MDFI: variants seen among roughly 807,000 people sequenced by gnomAD.
The protein encoded by MDFI is inhibitor of MyoD family a.
MDFI carries 16 observed loss-of-function variants against 22.3 expected under a neutral mutation model. That is an observed-to-expected ratio of 0.72 (90% CI 0.49 to 1.09). The LOEUF is 1.09. MDFI is among the 50% of genes least tolerant of loss of function. The pLI is 0.00. For synonymous variants in MDFI, 145 were observed against 142.7 expected (o/e 1.02, Z -0.12); for missense variants, 314 against 326.1 (o/e 0.96, Z 0.29).
chr6:41,650,667 G>A (rs897844030), intron 4 of MDFI, among the ~76,000 whole-genome samples: 1 of 144,790 alleles, frequency 6.9e-6, no homozygotes, highest in Non-Finnish European at 1.5e-5. Context: ...TCCTTCTCCC[G>A]GGTTCAAGCG....
In MDFI at chr6:41,638,717, C is replaced by G; in HGVS notation, c.-11-22C>G. ...CCCCTTGCCCGCCTCCGGCGCCGCC[C>G]GCTGAGCCCTGTTTTCCGCAGGTCC... On this transcript the variant is annotated intron_variant, in intron 1 of 4. Coordinates refer to ENST00000230321, the MANE Select transcript of MDFI (RefSeq NM_005586.4). This position sits in a 1 kb window ranked among gnomAD's most constrained non-coding sequence, Gnocchi z 7.6. 1.3e-6 allele frequency: 2 copies of G among 1,545,656 alleles called. No homozygotes were observed. The highest frequency in any genetic ancestry group is 1.7e-6 in the Non-Finnish European group (2 of 1,149,814).
chr6:41,643,559 A>G, intron 2 of MDFI, among the ~76,000 whole-genome samples: 1 of 96,500 alleles, frequency 1.0e-5, no homozygotes, highest in Non-Finnish European at 2.3e-5. Flanking sequence ...GGAAGGAAGG[A>G]AGGAAGGAAG....
chr6:41,653,415 C>G lies in MDFI; in HGVS notation c.581C>G (p.Ser194Trp). The G allele has an allele frequency of 6.2e-7, 1 of 1,609,332 alleles. No homozygotes were observed. The highest frequency in any genetic ancestry group is 8.5e-7 in the Non-Finnish European group (1 of 1,179,986). The change falls in exon 5 of 5, where the codon TCG becomes TGG. Residue 194 changes from serine to tryptophan, a missense_variant. Coordinates refer to ENST00000230321, the MANE Select transcript of MDFI (RefSeq NM_005586.4). This position sits in a 1 kb window ranked among gnomAD's most constrained non-coding sequence, Gnocchi z 4.2. ...LDCATCGSCS[S>W]EDSCLCCCCC... is the part of the protein sequence containing the mutation. ...TGCGCCACCTGTGGCTCCTGCAGCT[C>G]GGAGGACTCGTGCCTCTGCTGCTGC...
In MDFI at chr6:41,638,693, C is replaced by T; in HGVS notation, c.-12+41C>T. 1.3e-6 allele frequency: 2 copies of T among 1,523,722 alleles called. No individual in the cohort carries two copies. Among genetic ancestry groups the T allele is most frequent in the Non-Finnish European group, 1.8e-6 (2 of 1,134,216 alleles). The allele number at this position is 1,523,722 out of a possible 1,614,324, so 94.4% of individuals were successfully genotyped here. The stretch of plus-strand genomic sequence containing the variant: ...AGGCGCGCATCTGCGGGGGAATCGC[C>T]CCTTGCCCGCCTCCGGCGCCGCCCG... On this transcript the variant is annotated intron_variant, in intron 1 of 4. Transcript: ENST00000230321. This position sits in a 1 kb window ranked among gnomAD's most constrained non-coding sequence, Gnocchi z 7.6.
rs1768359080 is a variant in MDFI at position 41,653,430 on chromosome 6, T to C, written c.596T>C (p.Leu199Pro). The C allele has an allele frequency of 1.2e-6, 2 of 1,607,564 alleles. No homozygotes were observed. Among genetic ancestry groups the C allele is most frequent in the Non-Finnish European group, 1.7e-6 (2 of 1,179,842 alleles). Residue 199 changes from leucine to proline, a missense_variant, in exon 5 of 5, where the codon CTC becomes CCC. Transcript: ENST00000230321. This position sits in a 1 kb window ranked among gnomAD's most constrained non-coding sequence, Gnocchi z 4.2. ...TCCTGCAGCTCGGAGGACTCGTGCCTCTGCTGCTGCTGCTGTGGCTCTGGC... is the reference window on the plus strand; with the variant it reads ...TCCTGCAGCTCGGAGGACTCGTGCCCCTGCTGCTGCTGCTGTGGCTCTGGC... ...CGSCSSEDSC[L>P]CCCCCGSGEC...
intron 2 of MDFI, chr6:41,640,018 TG>T (rs942100885): frequency 1.2e-6 from 1 of 807,022 alleles, no homozygotes; most frequent in Non-Finnish European, 1.5e-6. Flanking sequence ...ATGAGGCCAG[TG>T]TGTCTACAGC....
At chr6:41,646,615 C>T (rs1019834271) in intron 3 of MDFI, among the ~76,000 whole-genome samples, 6 of 152,158 alleles carry the variant, frequency 3.9e-5, no homozygotes, top group African/African-American at 1.4e-4. Flanking sequence ...GGGCTGGGGT[C>T]CGGCAGGGAG....
rs1212388998 is a variant in MDFI at position 41,649,632 on chromosome 6, G to T, written c.273G>T (p.Gly91=). The T allele has an allele frequency of 1.2e-6, 2 of 1,600,614 alleles. No homozygotes were observed. The highest frequency in any genetic ancestry group is 2.7e-5 in the African/African-American group (2 of 74,576). The change falls in exon 4 of 5, where the codon GGG becomes GGT. Residue 91 remains glycine (G), a synonymous_variant. Coordinates refer to ENST00000230321, the MANE Select transcript of MDFI (RefSeq NM_005586.4). The stretch of plus-strand genomic sequence containing the variant: ...TCATCTCTCCAGGCCAGCCTCAGGG[G>T]AACCCCTTGGGCTGCACCCCACTTC... ...PTEAVTCQPQ[G]NPLGCTPLLP...
chr6:41,644,828 T>C (rs536633192), intron 2 of MDFI, among the ~76,000 whole-genome samples: 1 of 152,090 alleles, frequency 6.6e-6, no homozygotes, highest in Admixed American at 6.5e-5. Flanking sequence ...TGTCTCTGTC[T>C]CTGCATGTGC....
chr6:41,649,889 G>T (rs1768204470), intron 4 of MDFI, 46 bp downstream of exon 4: 1 of 1,553,606 alleles, frequency 6.4e-7, no homozygotes, highest in South Asian at 1.2e-5. Flanking sequence ...TCCAAAGCCG[G>T]GTTCCTCGAA....
At chr6:41,651,515 C>T (rs1255577600) in intron 4 of MDFI, among the ~76,000 whole-genome samples, 1 of 128,150 alleles carries the variant, frequency 7.8e-6, no homozygotes, top group Admixed American at 7.3e-5. Context: ...TCCTAGCAGG[C>T]AGGGGTCCTG....
Position 41,638,508 on chromosome 6 carries a change from G to C in MDFI, c.-156G>C, listed in dbSNP as rs1388751674. Reference sequence around the variant, plus strand: ...ACGGCGTGAGCTGGCGCCGAAATGGGAGAAAGCAGCGAGTGAGAGGGGAAG... The same window carrying C: ...ACGGCGTGAGCTGGCGCCGAAATGGCAGAAAGCAGCGAGTGAGAGGGGAAG... On this transcript the variant is annotated 5_prime_UTR_variant, in exon 1 of 5. Transcript: ENST00000230321. This position sits in a 1 kb window ranked among gnomAD's most constrained non-coding sequence, Gnocchi z 7.6. 3 of 529,820 alleles carry C rather than the reference G, an allele frequency of 5.7e-6. No individual in the cohort carries two copies. In the African/African-American group the frequency reaches 6.1e-5, roughly 11 times the overall value. The allele number at this position is 529,820 out of a possible 1,614,324, so 32.8% of individuals were successfully genotyped here.
Position 41,653,821 on chromosome 6 carries a change from C to A in MDFI, c.*246C>A. The A allele has an allele frequency of 1.7e-6, 1 of 581,380 alleles. No individual in the cohort carries two copies. 36.0% of individuals were successfully genotyped at this position (581,380 alleles called of 1,614,324 possible). A position where few individuals can be genotyped will look rare whatever the true frequency, so the allele number is the denominator to read the frequency against. On this transcript the variant is annotated 3_prime_UTR_variant, in exon 5 of 5. Transcript: ENST00000230321. The surrounding 1 kb of genome is among the most constrained non-coding windows in gnomAD (Gnocchi z 4.2). ...AAGCCTGAACTCTTTACTGGGTTAC[C>A]AGGTTCATACATTGCTGAGGACCTG... is the stretch of plus-strand genomic sequence containing the variant.
intron 4 of MDFI, among the ~76,000 whole-genome samples, chr6:41,652,773 C>T (rs962647715): frequency 1.3e-5 from 2 of 152,018 alleles, no homozygotes; most frequent in East Asian, 1.9e-4. Context: ...TGTGCCACCA[C>T]GCCCAGCTAA....
intron 2 of MDFI, among the ~76,000 whole-genome samples, chr6:41,641,189 A>G (rs1265011587): frequency 6.6e-6 from 1 of 152,206 alleles, no homozygotes; most frequent in Non-Finnish European, 1.5e-5. Context: ...ACTCCCCAGT[A>G]GGCATTTGCC....
intron 4 of MDFI, among the ~76,000 whole-genome samples, chr6:41,650,573 C>CT (rs34897556): frequency 0.39 from 50,412 of 128,994 alleles, 10,922 homozygotes; most frequent in East Asian, 0.68. Context: ...AGTCTTTTTC[C>CT]TTTTTTTTTT....
intron 4 of MDFI, among the ~76,000 whole-genome samples, chr6:41,650,731 G>A (rs1768238960): frequency 6.6e-6 from 1 of 151,782 alleles, no homozygotes; most frequent in Non-Finnish European, 1.5e-5. Context: ...GTCCCACCAC[G>A]CCCAGCTAAT....
chr6:41,648,645 C>G (rs1768145246), intron 3 of MDFI, among the ~76,000 whole-genome samples: 1 of 152,156 alleles, frequency 6.6e-6, no homozygotes, highest in Non-Finnish European at 1.5e-5. Context: ...CTTGAGGCCA[C>G]AGGGTCCTGC....
At chr6:41,647,114 G>T (rs1768080026) in intron 3 of MDFI, among the ~76,000 whole-genome samples, 4 of 152,204 alleles carry the variant, frequency 2.6e-5, no homozygotes, top group Admixed American at 2.6e-4. Flanking sequence ...GGCTAAGCTG[G>T]ACTCCCTGGA....
Sources: allele counts gnomAD v4.1 joint callset (sites outside exome capture counted in the v4.1 genomes callset), GRCh38; gene constraint gnomAD v4.1.1; non-coding constraint Gnocchi (gnomAD v3.1); transcripts MANE v1.5; gene names NCBI Gene and HGNC (gene_info 2026-07-23, HGNC 2026-07-21).